The following PPP1R9A variants were observed in gnomAD, a reference collection of about 807,000 sequenced individuals.
PPP1R9A encodes neurabin-1.
A neutral mutation model predicts 141.9 loss-of-function variants in PPP1R9A; 59 were observed. The ratio of observed to expected loss-of-function variants is 0.42; its 90% CI spans 0.34 to 0.52. The LOEUF (loss-of-function observed/expected upper bound fraction) is 0.52, where lower values mean the gene tolerates loss of function less well. Ranked by LOEUF, PPP1R9A falls within the 20% of genes least tolerant of loss-of-function variation. The probability of loss-of-function intolerance (pLI) is 0.10; values close to 1 mark genes in which losing one functional copy is unlikely to be tolerated. For missense variants in PPP1R9A, 1,444 were observed against 1,611.9 expected (o/e 0.90, Z 1.78); for synonymous variants, 500 against 569.7 (o/e 0.88, Z 1.74).
chr7:94,934,965 C>T (rs1794610916), intron 2 of PPP1R9A, among the ~76,000 whole-genome samples: 1 of 152,016 alleles, frequency 6.6e-6, no homozygotes, highest in Non-Finnish European at 1.5e-5. Flanking sequence ...CTCAAGTGAT[C>T]CTACTGCACC....
intron 7 of PPP1R9A, among the ~76,000 whole-genome samples, chr7:95,223,464 G>A (rs911603647): frequency 1.3e-5 from 2 of 151,848 alleles, no homozygotes; most frequent in African/African-American, 2.4e-5. Context: ...TCTTGATATT[G>A]AAAATCTCCT....
intron 5 of PPP1R9A, among the ~76,000 whole-genome samples, chr7:95,185,207 CTT>C (rs1019971715): frequency 3.3e-5 from 5 of 151,318 alleles, no homozygotes; most frequent in Non-Finnish European, 5.9e-5. Context: ...TGTTTTTTGT[CTT>C]TTAATTATGG....
Position 95,218,212 on chromosome 7 carries a change from C to T in PPP1R9A, c.1957-7749C>T, listed in dbSNP as rs191766357. On this transcript the variant is annotated intron_variant, in intron 7 of 19. Transcript: ENST00000433360. ...CAAAGAACATCATTATTTCTGCCTT[C>T]ACTTCCTTACGTACCCAGTAGTCAT... is the stretch of plus-strand genomic sequence containing the variant. Among the ~76,000 whole-genome samples the T allele has an allele frequency of 1.1e-4, 17 of 152,296 alleles. No individual in the cohort carries two copies. In the East Asian group the frequency reaches 3.1e-3, roughly 28 times the overall value.
At chr7:95,181,552 A>G (rs923547041) in intron 5 of PPP1R9A, among the ~76,000 whole-genome samples, 5 of 138,904 alleles carry the variant, frequency 3.6e-5, no homozygotes, top group East Asian at 4.1e-4. Flanking sequence ...TAGAGAGAGA[A>G]TATATATAGA....
intron 4 of PPP1R9A, among the ~76,000 whole-genome samples, chr7:95,150,061 C>T (rs1373443202): frequency 1.3e-5 from 2 of 151,362 alleles, no homozygotes; most frequent in Non-Finnish European, 2.9e-5. Context: ...CATAAATATA[C>T]TCAACTGAAC....
chr7:95,136,727 A>G (rs1235431969), intron 4 of PPP1R9A, among the ~76,000 whole-genome samples: 1 of 152,228 alleles, frequency 6.6e-6, no homozygotes, highest in Non-Finnish European at 1.5e-5. Context: ...TGTTCCATCC[A>G]GAAAATAAAA....
chr7:95,007,926 G>A (rs1476225151), intron 2 of PPP1R9A, among the ~76,000 whole-genome samples: 1 of 152,128 alleles, frequency 6.6e-6, no homozygotes, highest in African/African-American at 2.4e-5. Context: ...ACAAAAATTA[G>A]CTGGGCGTGG....
At chr7:95,030,575 C>T (rs1293583008) in intron 2 of PPP1R9A, among the ~76,000 whole-genome samples, 1 of 151,796 alleles carries the variant, frequency 6.6e-6, no homozygotes, top group Non-Finnish European at 1.5e-5. Context: ...TTCCTAGAGG[C>T]AAATATTTTG....
At chr7:95,242,240 T>C (rs1277563859) in intron 8 of PPP1R9A, among the ~76,000 whole-genome samples, 1 of 152,160 alleles carries the variant, frequency 6.6e-6, no homozygotes, top group Admixed American at 6.6e-5. Flanking sequence ...CATACATCAC[T>C]CAAATACTCA....
At chr7:95,216,323 A>G (rs1450261980) in intron 7 of PPP1R9A, among the ~76,000 whole-genome samples, 2 of 152,120 alleles carry the variant, frequency 1.3e-5, no homozygotes, top group African/African-American at 4.8e-5. Context: ...CCATTGGTCT[A>G]TATGTCTGTT....
rs1294276485 is a variant in PPP1R9A, at chr7:94,961,655, G to A, written c.1395+50147G>A. Reference sequence around the variant, plus strand: ...CTGTTTTGAACTATTTATATGAATTGTAGTATCAAATAGTGCCAAATTTGG... The same window carrying A: ...CTGTTTTGAACTATTTATATGAATTATAGTATCAAATAGTGCCAAATTTGG... On this transcript the variant is annotated intron_variant, in intron 2 of 19. Coordinates refer to ENST00000433360, the MANE Select transcript of PPP1R9A (RefSeq NM_001166160.2). 8.6e-5 allele frequency among the ~76,000 whole-genome samples: 13 copies of A among 151,950 alleles called. No individual in the cohort carries two copies. In the East Asian group the frequency reaches 2.5e-3, roughly 29 times the overall value.
chr7:95,016,558 C>G (rs1805138601), intron 2 of PPP1R9A, among the ~76,000 whole-genome samples: 1 of 151,862 alleles, frequency 6.6e-6, no homozygotes, highest in Non-Finnish European at 1.5e-5. Context: ...ATTTAACATC[C>G]TAAAGTCAAT....
intron 5 of PPP1R9A, among the ~76,000 whole-genome samples, chr7:95,190,022 T>C (rs1014825238): frequency 6.6e-6 from 1 of 152,224 alleles, no homozygotes; most frequent in Non-Finnish European, 1.5e-5. Context: ...AGTTTAGTAA[T>C]CAACCTTCTG....
At chr7:94,936,693 T>C (rs1003382503) in intron 2 of PPP1R9A, among the ~76,000 whole-genome samples, 7 of 151,880 alleles carry the variant, frequency 4.6e-5, no homozygotes, top group Non-Finnish European at 1.0e-4. Context: ...TTTGTGTATA[T>C]ATTTTTTCCC....
chr7:95,006,024 C>T (rs1312527433), intron 2 of PPP1R9A, among the ~76,000 whole-genome samples: 1 of 151,822 alleles, frequency 6.6e-6, no homozygotes, highest in Non-Finnish European at 1.5e-5. Context: ...TTGTAAAAAC[C>T]TTAGTGGTAT....
At chr7:95,156,984 A>G (rs1251319699) in intron 4 of PPP1R9A, 1 of 152,374 alleles carries the variant, frequency 6.6e-6, no homozygotes, top group Non-Finnish European at 1.5e-5. Context: ...TGATCAGTCC[A>G]TGGGCAGCCA....
chr7:95,237,452 T>G (rs1286485785), intron 8 of PPP1R9A, among the ~76,000 whole-genome samples: 1 of 152,046 alleles, frequency 6.6e-6, no homozygotes. Flanking sequence ...CACCTTGGCC[T>G]GCCAAAGTGC....
chr7:95,079,091 C>T (rs1416833176), intron 2 of PPP1R9A, among the ~76,000 whole-genome samples: 2 of 152,160 alleles, frequency 1.3e-5, no homozygotes, highest in Non-Finnish European at 2.9e-5. Flanking sequence ...CCTAGGTTTT[C>T]TTCTAGCGTA....
At chr7:95,283,997 C>A (rs576997295) in intron 16 of PPP1R9A, 21 bp from the exon 17 acceptor site, 24 of 1,553,400 alleles carry the variant, frequency 1.5e-5, no homozygotes, top group Non-Finnish European at 2.0e-5. Flanking sequence ...ATCTAACACA[C>A]CCATTCTTTT....
Sources: allele counts gnomAD v4.1 joint callset (sites outside exome capture counted in the v4.1 genomes callset), GRCh38; gene constraint gnomAD v4.1.1; transcripts MANE v1.5; gene names NCBI Gene and HGNC (gene_info 2026-07-23, HGNC 2026-07-21).